The following GINS3 variants were observed in gnomAD, a reference collection of about 807,000 sequenced individuals.
GINS3 encodes GINS complex subunit 3.
GINS3 carries 18 observed loss-of-function variants against 20.0 expected under a neutral mutation model. The observed-to-expected ratio is 0.90, with a 90% CI of 0.62 to 1.33. The LOEUF is 1.33. Among genes scored for constraint, GINS3 ranks in the 40% most tolerant of loss-of-function variants. The pLI is 0.00. For synonymous variants in GINS3, 109 were observed against 107.0 expected, an observed-to-expected ratio of 1.02 and a Z score of -0.12; for missense variants, 254 against 273.6, an observed-to-expected ratio of 0.93 and a Z score of 0.51.
intron 1 of GINS3, among the ~76,000 whole-genome samples, chr16:58,399,302 A>AG (rs111479345): frequency 0.14 from 20,483 of 151,524 alleles, 2,353 homozygotes; most frequent in African/African-American, 0.32. Context: ...AAAAAAAAAA[A>AG]ATTGAAAAAA....
intron 1 of GINS3, among the ~76,000 whole-genome samples, chr16:58,396,130 T>TG (rs1480355799): frequency 2.4e-5 from 2 of 85,072 alleles, no homozygotes; most frequent in African/African-American, 4.7e-5. Context: ...GCTGGCTGGG[T>TG]GGGGGGCTGA....
chr16:58,392,951 C>T (rs1965803926), intron 1 of GINS3, 164 bp downstream of exon 1: 1 of 691,134 alleles, frequency 1.4e-6, no homozygotes, highest in South Asian at 2.0e-5. Context: ...GCGGGGGTCC[C>T]TTCGCGCTCG....
chr16:58,399,408 G>C (rs138700749), intron 1 of GINS3, among the ~76,000 whole-genome samples: 134 of 151,990 alleles, frequency 8.8e-4, no homozygotes, highest in Non-Finnish European at 1.6e-3. Flanking sequence ...TAGATATAAT[G>C]ACCCTTTTAT....
intron 1 of GINS3, among the ~76,000 whole-genome samples, chr16:58,395,807 C>T (rs1471506507): frequency 6.6e-6 from 1 of 152,202 alleles, no homozygotes; most frequent in African/African-American, 2.4e-5. Context: ...TCCACAAAGC[C>T]GCCATTGTCA....
chr16:58,392,873 C>T (rs1426019541), intron 1 of GINS3, 86 bp downstream of exon 1: 5 of 1,353,132 alleles, frequency 3.7e-6, no homozygotes, highest in Non-Finnish European at 4.9e-6. Context: ...TCGGGGCGCG[C>T]TGCCCTTTGG....
At chr16:58,398,444 C>CA (rs1965913115) in intron 1 of GINS3, among the ~76,000 whole-genome samples, 1 of 151,930 alleles carries the variant, frequency 6.6e-6, no homozygotes, top group South Asian at 2.1e-4. Flanking sequence ...CCCATCTCTA[C>CA]AAAAAATTTT....
In GINS3 at chr16:58,392,643, G is replaced by A. The variant is rs1389175590; in HGVS notation, c.42G>A (p.Gly14=). Residue 14 remains glycine (G), a synonymous_variant, in exon 1 of 3, where the codon GGG becomes GGA. Transcript: ENST00000318129. Reference sequence around the variant, plus strand: ...TCCGAGTGGAGTCGGGTGCGCTGGGGCCTGAGGAGAACTTTCTTTCTTTGG... The same window carrying A: ...TCCGAGTGGAGTCGGGTGCGCTGGGACCTGAGGAGAACTTTCTTTCTTTGG... ...AYFRVESGAL[G]PEENFLSLDD... The A allele has an allele frequency of 6.2e-7, 1 of 1,614,260 alleles. No individual in the cohort carries two copies. The highest frequency in any genetic ancestry group is 2.2e-5 in the East Asian group (1 of 44,882).
intron 1 of GINS3, among the ~76,000 whole-genome samples, chr16:58,401,044 A>C (rs147320076): frequency 6.6e-6 from 1 of 151,776 alleles, no homozygotes; most frequent in Non-Finnish European, 1.5e-5. Context: ...CGAACCCCTG[A>C]GCCCATGTGA....
Position 58,392,697 on chromosome 16 carries a change from G to A in GINS3, c.96G>A (p.Leu32=), listed in dbSNP as rs748447484. The A allele has an allele frequency of 2.5e-6, 4 of 1,614,112 alleles. No individual in the cohort carries two copies. The highest frequency in any genetic ancestry group is 1.3e-5 in the African/African-American group (1 of 74,952). The change falls in exon 1 of 3, where the codon CTG becomes CTA. Residue 32 remains leucine (L), a synonymous_variant. Coordinates refer to ENST00000318129, the MANE Select transcript of GINS3 (RefSeq NM_022770.4). ...ACATCCTGATGTCCCACGAGAAGCT[G>A]CCGGTGCGCACGGAGACCGCCATGC... ...LDDILMSHEK[L]PVRTETAMPR... is the part of the protein sequence containing the mutation.
intron 1 of GINS3, 141 bp from the exon 2 acceptor site, chr16:58,402,957 C>G (rs913797450): frequency 6.2e-6 from 4 of 643,076 alleles, no homozygotes; most frequent in African/African-American, 5.5e-5. Context: ...CTTCGAGTCA[C>G]GACCAGGTCT....
Position 58,392,494 on chromosome 16 carries a change from T to C in GINS3, c.-108T>C. 2 of 1,286,576 alleles carry C rather than the reference T, an allele frequency of 1.6e-6. No individual in the cohort carries two copies. 79.7% of individuals were successfully genotyped at this position (1,286,576 alleles called of 1,614,324 possible). Reference sequence around the variant, plus strand: ...GGAAACGAGTTTCAATCCACTTTCCTGACCCCAACCATCCTGCCCAGTCTC... The same window carrying C: ...GGAAACGAGTTTCAATCCACTTTCCCGACCCCAACCATCCTGCCCAGTCTC... On this transcript the variant is annotated 5_prime_UTR_variant, in exon 1 of 3. Transcript: ENST00000318129.
chr16:58,396,811 G>A (rs1422142905), intron 1 of GINS3, among the ~76,000 whole-genome samples: 7 of 126,074 alleles, frequency 5.6e-5, no homozygotes, highest in Admixed American at 1.5e-4. Context: ...CGGGCAGAGG[G>A]GCTCCTCACT....
chr16:58,392,606 C>G lies in GINS3; in HGVS notation c.5C>G (p.Ser2Ter). The change falls in exon 1 of 3, where the codon TCA becomes TGA. Residue 2 changes from serine (S) to a stop codon, truncating the protein, a stop_gained. Coordinates refer to ENST00000318129, the MANE Select transcript of GINS3 (RefSeq NM_022770.4). LOFTEE classifies it high-confidence loss of function. The part of the protein sequence containing the change: M[S>*]EAYFRVESGA... ...GGAGAAGCTCAAGTGGCCGCCATGTCAGAGGCTTATTTCCGAGTGGAGTCG... is the reference window on the plus strand; with the variant it reads ...GGAGAAGCTCAAGTGGCCGCCATGTGAGAGGCTTATTTCCGAGTGGAGTCG... 1 of 1,613,992 alleles carries G rather than the reference C, an allele frequency of 6.2e-7. No individual in the cohort carries two copies. The highest frequency in any genetic ancestry group is 8.5e-7 in the Non-Finnish European group (1 of 1,179,838).
intron 1 of GINS3, among the ~76,000 whole-genome samples, chr16:58,400,930 T>C (rs1466606618): frequency 6.6e-6 from 1 of 151,732 alleles, no homozygotes; most frequent in Non-Finnish European, 1.5e-5. Flanking sequence ...GTCTTCTGCC[T>C]CAGCCTCCTG....
At position 58,404,712 on chromosome 16, in the gene GINS3, A is replaced by G. The variant is rs1254545609; in HGVS notation, c.634A>G (p.Thr212Ala). 6.8e-6 allele frequency: 11 copies of G among 1,613,574 alleles called. No homozygotes were observed. Among genetic ancestry groups the G allele is most frequent in the Non-Finnish European group, 9.3e-6 (11 of 1,179,634 alleles). Residue 212 changes from threonine to alanine, a missense_variant, in exon 3 of 3, where the codon ACT becomes GCT. Coordinates refer to ENST00000318129, the MANE Select transcript of GINS3 (RefSeq NM_022770.4). ...LVQNYKKRKF[T>A]DMED ...TCAGAATTACAAGAAGAGAAAATTC[A>G]CTGATATGGAAGACTGAAAGCCGGA...
At chr16:58,400,969 T>C (rs1368800448) in intron 1 of GINS3, among the ~76,000 whole-genome samples, 2 of 151,966 alleles carry the variant, frequency 1.3e-5, no homozygotes, top group African/African-American at 4.8e-5. Context: ...CGCCCACCAC[T>C]ATGCCTGGCT....
chr16:58,393,600 T>C (rs1331695364), intron 1 of GINS3: 2 of 152,210 alleles, frequency 1.3e-5, no homozygotes, highest in African/African-American at 2.4e-5. Context: ...CCCAGCACTT[T>C]GGGAGGCTGA....
rs368371607 is a variant in GINS3, at chr16:58,398,991, AT to A, written c.187-4098del. Among the ~76,000 whole-genome samples the A allele has an allele frequency of 4.3e-3, 645 of 151,418 alleles. 1 individual carries two copies. Among genetic ancestry groups the A allele is most frequent in the African/African-American group, 0.015 (608 of 41,254 alleles). On this transcript the variant is annotated intron_variant, in intron 1 of 2. Transcript: ENST00000318129. The stretch of plus-strand genomic sequence containing the variant: ...TGTTGAGATATTCTCTATCCTTGCA[AT>A]TTTTTTTTCTACTTTTTTTTTTATC...
At chr16:58,400,247 G>T (rs1965937591) in intron 1 of GINS3, among the ~76,000 whole-genome samples, 1 of 152,228 alleles carries the variant, frequency 6.6e-6, no homozygotes, top group African/African-American at 2.4e-5. Context: ...AGGTTGCATG[G>T]AGTAAAGTCT....
Sources: gnomAD v4.1 joint callset for allele counts (sites outside exome capture counted in the v4.1 genomes callset) on GRCh38, gnomAD v4.1.1 for gene constraint, MANE v1.5 for transcripts, NCBI Gene and HGNC (gene_info 2026-07-23, HGNC 2026-07-21) for gene names.